Variants in B4GALT5 observed in about 807,000 individuals in gnomAD.
B4GALT5 encodes the protein beta-1,4-galactosyltransferase 5.
Under a neutral mutation model 45.0 loss-of-function variants are expected in B4GALT5, and 11 were observed. The observed-to-expected ratio is 0.24, with a 90% confidence interval of 0.15 to 0.40. B4GALT5 has a LOEUF of 0.40. Ranked by LOEUF, B4GALT5 falls within the 10% of genes least tolerant of loss-of-function variation. The pLI is 1.00. For synonymous variants in B4GALT5, 185 were observed against 182.9 expected (o/e 1.01, Z -0.09); for missense variants, 337 against 500.2 (o/e 0.67, Z 3.11).
chr20:49,703,326 A>T (rs2085870589), intron 1 of B4GALT5, among the ~76,000 whole-genome samples: 1 of 152,186 alleles, frequency 6.6e-6, no homozygotes, highest in South Asian at 2.1e-4. Context: ...ATTTGGAAAA[A>T]ATTAATTCAG....
chr20:49,654,112 T>C (rs2085632640), intron 2 of B4GALT5, among the ~76,000 whole-genome samples: 1 of 152,184 alleles, frequency 6.6e-6, no homozygotes, highest in Non-Finnish European at 1.5e-5. Context: ...AGGACACAAA[T>C]GTTCCCTTAC....
At chr20:49,637,048 T>C (rs972198480) in intron 8 of B4GALT5, among the ~76,000 whole-genome samples, 14 of 152,028 alleles carry the variant, frequency 9.2e-5, no homozygotes, top group Admixed American at 4.6e-4. Flanking sequence ...TCAGGGACCT[T>C]CATCCAAGCT....
At chr20:49,680,452 C>G (rs916384275) in intron 1 of B4GALT5, among the ~76,000 whole-genome samples, 1 of 152,184 alleles carries the variant, frequency 6.6e-6, no homozygotes, top group African/African-American at 2.4e-5. Flanking sequence ...GTGAAACATG[C>G]TGTAACATAG....
chr20:49,692,842 G>A (rs1228443967), intron 1 of B4GALT5, among the ~76,000 whole-genome samples: 1 of 152,178 alleles, frequency 6.6e-6, no homozygotes, highest in East Asian at 1.9e-4. Flanking sequence ...TATCCAAAAT[G>A]TTGCGATTCT....
intron 1 of B4GALT5, among the ~76,000 whole-genome samples, chr20:49,704,045 A>AT (rs2085874053): frequency 1.3e-5 from 2 of 152,218 alleles, no homozygotes; most frequent in East Asian, 3.8e-4. Flanking sequence ...TTTCAATTAC[A>AT]TAAGCAAGAC....
At chr20:49,680,205 G>C (rs761567196) in intron 1 of B4GALT5, among the ~76,000 whole-genome samples, 1 of 152,146 alleles carries the variant, frequency 6.6e-6, no homozygotes, top group Non-Finnish European at 1.5e-5. Flanking sequence ...AAATAAGAGG[G>C]CTGCATGGGC....
intron 3 of B4GALT5, among the ~76,000 whole-genome samples, chr20:49,645,199 C>T (rs966415609): frequency 2.0e-5 from 3 of 152,078 alleles, no homozygotes; most frequent in African/African-American, 7.2e-5. Flanking sequence ...ATAGTGAGAC[C>T]CCCACCTCTA....
chr20:49,703,214 A>T (rs1440572597), intron 1 of B4GALT5, among the ~76,000 whole-genome samples: 7 of 152,220 alleles, frequency 4.6e-5, no homozygotes, highest in Admixed American at 1.3e-4. Context: ...TATGAATGTA[A>T]TTTATGCCAC....
chr20:49,695,962 A>G (rs2085838145), intron 1 of B4GALT5, among the ~76,000 whole-genome samples: 1 of 152,258 alleles, frequency 6.6e-6, no homozygotes, highest in Non-Finnish European at 1.5e-5. Flanking sequence ...CAAAGGGCTA[A>G]GAAAGCCTGG....
At chr20:49,676,544 T>C (rs1012367747) in intron 1 of B4GALT5, among the ~76,000 whole-genome samples, 1 of 152,212 alleles carries the variant, frequency 6.6e-6, no homozygotes, top group Non-Finnish European at 1.5e-5. Context: ...AAGAGAGGTA[T>C]GAATGTGTGC....
chr20:49,690,531 A>G lies in B4GALT5; in HGVS notation c.115+23045T>C, dbSNP rs114026459. Among the ~76,000 whole-genome samples, 1,323 of 151,854 alleles carry G rather than the reference A, an allele frequency of 8.7e-3. 13 individuals are homozygous for G. The highest frequency in any genetic ancestry group is 0.03 in the African/African-American group (1,255 of 41,388). On this transcript the variant is annotated intron_variant, in intron 1 of 8. Transcript: ENST00000371711. ...ACCATTGCACTCCAGCCTGGGCAACAACAGTGAAACTCTAACTCAAAAAAA... is the reference window on the plus strand; with the variant it reads ...ACCATTGCACTCCAGCCTGGGCAACGACAGTGAAACTCTAACTCAAAAAAA...
chr20:49,689,398 T>C (rs1175381465), intron 1 of B4GALT5, among the ~76,000 whole-genome samples: 1 of 152,228 alleles, frequency 6.6e-6, no homozygotes, highest in Non-Finnish European at 1.5e-5. Flanking sequence ...TTCTGCCCCG[T>C]GGGAACTACA....
chr20:49,688,521 A>C (rs1460789969), intron 1 of B4GALT5, among the ~76,000 whole-genome samples: 1 of 152,150 alleles, frequency 6.6e-6, no homozygotes, highest in Non-Finnish European at 1.5e-5. Context: ...CCCCCATTCT[A>C]TTTGCCTAGC....
chr20:49,658,231 T>C (rs761802124), intron 1 of B4GALT5, among the ~76,000 whole-genome samples: 33 of 152,158 alleles, frequency 2.2e-4, no homozygotes, highest in Admixed American at 1.1e-3. Context: ...AAAAAAAGTA[T>C]AACTGTGTGA....
intron 1 of B4GALT5, among the ~76,000 whole-genome samples, chr20:49,660,229 T>A (rs2085659820): frequency 6.6e-6 from 1 of 152,220 alleles, no homozygotes; most frequent in Non-Finnish European, 1.5e-5. Flanking sequence ...GTTGTCCAGA[T>A]GCAATAGGAT....
intron 1 of B4GALT5, among the ~76,000 whole-genome samples, chr20:49,660,817 T>C (rs1365059587): frequency 6.6e-6 from 1 of 152,154 alleles, no homozygotes; most frequent in Non-Finnish European, 1.5e-5. Flanking sequence ...AAATCCCGTC[T>C]CTACAAAAAT....
intron 4 of B4GALT5, among the ~76,000 whole-genome samples, chr20:49,643,096 A>T (rs531380072): frequency 4.6e-5 from 7 of 152,256 alleles, no homozygotes; most frequent in Non-Finnish European, 8.8e-5. Context: ...CAGCTTAACG[A>T]AAACTACTGA....
intron 1 of B4GALT5, among the ~76,000 whole-genome samples, chr20:49,663,261 T>C (rs2085672401): frequency 6.6e-6 from 1 of 152,180 alleles, no homozygotes; most frequent in South Asian, 2.1e-4. Context: ...ATGCTGGTTA[T>C]TCAGATATAT....
At chr20:49,704,656 T>C (rs2085876777) in intron 1 of B4GALT5, among the ~76,000 whole-genome samples, 1 of 150,874 alleles carries the variant, frequency 6.6e-6, no homozygotes, top group African/African-American at 2.4e-5. Flanking sequence ...GAGGCGGAGC[T>C]TGCAGTGAGC....
Sources: gnomAD v4.1 joint callset for allele counts (sites outside exome capture counted in the v4.1 genomes callset) on GRCh38, gnomAD v4.1.1 for gene constraint, MANE v1.5 for transcripts, NCBI Gene and HGNC (gene_info 2026-07-23, HGNC 2026-07-21) for gene names.